The following CAPZB variants were observed in gnomAD, a reference collection of about 807,000 sequenced individuals.
CAPZB encodes capping actin protein of muscle Z-line subunit beta.
In CAPZB, 2 loss-of-function variants were observed where a neutral mutation model predicts 38.1. The observed-to-expected ratio is 0.05, with a 90% CI of 0.02 to 0.17. CAPZB has a LOEUF of 0.17. Ranked by LOEUF, CAPZB falls within the 10% of genes least tolerant of loss-of-function variation. CAPZB has a pLI of 1.00. For synonymous variants in CAPZB, 107 were observed against 127.4 expected, an observed-to-expected ratio of 0.84 and a Z score of 1.08; for missense variants, 161 against 334.2, an observed-to-expected ratio of 0.48 and a Z score of 4.04.
chr1:19,484,161 C>G, intron 1 of CAPZB: 1 of 1,604,870 alleles, frequency 6.2e-7, no homozygotes, highest in Non-Finnish European at 8.5e-7. Flanking sequence ...ACGAGCGGAG[C>G]CAGCACTCTC....
chr1:19,407,947 C>T (rs2094340103), intron 2 of CAPZB, among the ~76,000 whole-genome samples: 1 of 152,186 alleles, frequency 6.6e-6, no homozygotes, highest in South Asian at 2.1e-4. Context: ...TCTGGAGGCT[C>T]ACCTTCTGAC....
In CAPZB at chr1:19,357,896, C is replaced by T. The variant is rs761589371; in HGVS notation, c.330-333G>A. Among the ~76,000 whole-genome samples, 2 of 152,140 alleles carry T rather than the reference C, an allele frequency of 1.3e-5. No homozygotes were observed. Among genetic ancestry groups the T allele is most frequent in the African/African-American group, 2.4e-5 (1 of 41,410 alleles). On this transcript the variant is annotated intron_variant, in intron 4 of 8. Transcript: ENST00000264202. The surrounding 1 kb of genome is among the most constrained non-coding windows in gnomAD (Gnocchi z 4.3). ...GCACGACTGACATCCAGTGACAATC[C>T]ATGCAGGCCATGACTACTGGAGTCA...
At chr1:19,485,361 A>G in intron 1 of CAPZB, 75 bp downstream of exon 1, 12 of 1,028,146 alleles carry the variant, frequency 1.2e-5, no homozygotes, top group Non-Finnish European at 1.4e-5. Flanking sequence ...GTCCCAGGCC[A>G]GGGATGGGCA....
At position 19,420,646 on chromosome 1, in the gene CAPZB, G is replaced by A. The variant is rs574800330; in HGVS notation, c.4-896C>T. On this transcript the variant is annotated intron_variant, in intron 1 of 8. Transcript: ENST00000264202. Reference sequence around the variant, plus strand: ...GGGTTTTGCCATATTGCCCAGGGTGGTCTTGAACTCCTGGGCTCAAGCAGT... The same window carrying A: ...GGGTTTTGCCATATTGCCCAGGGTGATCTTGAACTCCTGGGCTCAAGCAGT... 1.8e-4 allele frequency among the ~76,000 whole-genome samples: 28 copies of A among 152,120 alleles called. 1 individual carries two copies. In the South Asian group the frequency reaches 5.8e-3, roughly 32 times the overall value.
intron 1 of CAPZB, among the ~76,000 whole-genome samples, chr1:19,481,554 T>C (rs565706275): frequency 6.6e-6 from 1 of 152,316 alleles, no homozygotes; most frequent in African/African-American, 2.4e-5. Context: ...ACCTAAGTCA[T>C]GTTTCTGGGT....
At chr1:19,480,370 A>G (rs535653865) in intron 1 of CAPZB, among the ~76,000 whole-genome samples, 3 of 152,142 alleles carry the variant, frequency 2.0e-5, no homozygotes, top group South Asian at 2.1e-4. Context: ...GAAAACTGAG[A>G]CCAAGGGAAT....
intron 2 of CAPZB, among the ~76,000 whole-genome samples, chr1:19,386,022 G>A (rs1324082517): frequency 2.0e-5 from 3 of 152,160 alleles, no homozygotes; most frequent in Non-Finnish European, 2.9e-5. Context: ...TAAAGAACTC[G>A]GAGTAGAAAA....
In CAPZB at chr1:19,347,584, C is replaced by T. The variant is rs149068267; in HGVS notation, c.589-2332G>A. 1.3e-4 allele frequency among the ~76,000 whole-genome samples: 20 copies of T among 152,316 alleles called. No individual in the cohort carries two copies. In the East Asian group the frequency reaches 3.7e-3, roughly 28 times the overall value. On this transcript the variant is annotated intron_variant, in intron 6 of 8. Coordinates refer to ENST00000264202, the MANE Select transcript of CAPZB (RefSeq NM_004930.5). ...TTTGTGCACTGCATACACTATGTGGCACCCTGTAGCAGTCTCTGCCTGCCC... is the reference window on the plus strand; with the variant it reads ...TTTGTGCACTGCATACACTATGTGGTACCCTGTAGCAGTCTCTGCCTGCCC...
chr1:19,388,403 G>C (rs2094214875), intron 2 of CAPZB, among the ~76,000 whole-genome samples: 1 of 152,212 alleles, frequency 6.6e-6, no homozygotes, highest in Admixed American at 6.5e-5. Flanking sequence ...AGGAGGGAAA[G>C]AGGGAGGAAA....
At chr1:19,374,526 C>G (rs1408659937) in intron 4 of CAPZB, 1 of 152,372 alleles carries the variant, frequency 6.6e-6, no homozygotes, top group Non-Finnish European at 1.5e-5. Flanking sequence ...GGGGCGCAGG[C>G]CAAGCTCTAG....
chr1:19,385,426 C>T lies in CAPZB; in HGVS notation c.215+79G>A, dbSNP rs530901125. On this transcript the variant is annotated intron_variant, in intron 3 of 8. Transcript: ENST00000264202. ...GCTGCCAGCTGCCCAAGTCCAAGGT[C>T]CCCGTGCTCTGCAGCAGGTACCTAC... The T allele has an allele frequency of 3.2e-5, 50 of 1,571,262 alleles. 3 individuals carry two copies. The South Asian group carries it at 5.6e-4, about 18-fold the overall frequency.
intron 1 of CAPZB, among the ~76,000 whole-genome samples, chr1:19,457,118 G>T (rs1030528739): frequency 3.3e-5 from 5 of 152,220 alleles, no homozygotes; most frequent in African/African-American, 7.2e-5. Context: ...AGCACAGCGG[G>T]AAAAGCGAGC....
At chr1:19,387,299 G>T (rs139527199) in intron 2 of CAPZB, among the ~76,000 whole-genome samples, 10 of 152,356 alleles carry the variant, frequency 6.6e-5, no homozygotes, top group African/African-American at 2.4e-4. Context: ...CTAAGGGGAA[G>T]GACAGTGCAT....
chr1:19,349,670 G>C (rs2093981261), intron 6 of CAPZB, among the ~76,000 whole-genome samples: 1 of 152,192 alleles, frequency 6.6e-6, no homozygotes, highest in South Asian at 2.1e-4. Context: ...GCTGGGTCTT[G>C]CAGTGTGCGA....
chr1:19,356,772 T>A lies in CAPZB; in HGVS notation c.472-21A>T, dbSNP rs2094023135. On this transcript the variant is annotated intron_variant, in intron 5 of 8. Coordinates refer to ENST00000264202, the MANE Select transcript of CAPZB (RefSeq NM_004930.5). The surrounding 1 kb of genome is among the most constrained non-coding windows in gnomAD (Gnocchi z 4.3). ...TTCTCCTGGAAGGACAAGACAGAGA[T>A]CTGTTGAGCTGAGGGAGAGCCTGAA... The A allele has an allele frequency of 3.2e-6, 5 of 1,557,846 alleles. No homozygotes were observed. The African/African-American group carries it at 4.1e-5, about 13-fold the overall frequency.
chr1:19,441,154 C>T (rs1022676270), intron 1 of CAPZB, among the ~76,000 whole-genome samples: 8 of 152,208 alleles, frequency 5.3e-5, no homozygotes, highest in Non-Finnish European at 1.5e-5. Context: ...ATCATATAAA[C>T]GTAAGCAAGG....
chr1:19,392,055 T>C (rs1197117398), intron 2 of CAPZB, among the ~76,000 whole-genome samples: 1 of 152,002 alleles, frequency 6.6e-6, no homozygotes, highest in South Asian at 2.1e-4. Flanking sequence ...TGGTGGTGCA[T>C]GCCTATAATC....
At chr1:19,395,175 G>A (rs2094260062) in intron 2 of CAPZB, among the ~76,000 whole-genome samples, 1 of 152,154 alleles carries the variant, frequency 6.6e-6, no homozygotes, top group Admixed American at 6.5e-5. Flanking sequence ...ATCTGTACCT[G>A]CTCATATGAG....
intron 2 of CAPZB, among the ~76,000 whole-genome samples, chr1:19,412,487 T>C (rs1009207556): frequency 2.0e-5 from 3 of 152,218 alleles, no homozygotes; most frequent in Non-Finnish European, 2.9e-5. Flanking sequence ...TCTAGTTATG[T>C]TGCCCAGGCT....
Sources: gnomAD v4.1 joint callset for allele counts (sites outside exome capture counted in the v4.1 genomes callset) on GRCh38, gnomAD v4.1.1 for gene constraint, Gnocchi (gnomAD v3.1) non-coding constraint, MANE v1.5 for transcripts, NCBI Gene and HGNC (gene_info 2026-07-23, HGNC 2026-07-21) for gene names.